Variants in RAB3GAP1 observed in about 807,000 individuals in gnomAD.
RAB3GAP1 encodes the protein rab3 GTPase-activating protein catalytic subunit.
A neutral mutation model predicts 130.7 loss-of-function variants in RAB3GAP1; 86 were observed. The observed-to-expected ratio is 0.66, with a 90% CI of 0.55 to 0.79. The LOEUF (loss-of-function observed/expected upper bound fraction) is 0.79, where lower values mean the gene tolerates loss of function less well. RAB3GAP1 is among the 30% of genes least tolerant of loss of function. The pLI, the probability that RAB3GAP1 is intolerant of heterozygous loss-of-function variation, is 0.00. For synonymous variants in RAB3GAP1, 367 were observed against 401.7 expected, an observed-to-expected ratio of 0.91 and a Z score of 1.03; for missense variants, 1,029 against 1,169.4, an observed-to-expected ratio of 0.88 and a Z score of 1.75.
At chr2:135,117,741 T>TCTTCTGCTTCTTCTTCTTCTG (rs1691062470) in intron 7 of RAB3GAP1, among the ~76,000 whole-genome samples, 1 of 63,790 alleles carries the variant, frequency 1.6e-5, no homozygotes, top group Admixed American at 1.7e-4. Context: ...TTCTTCTGCT[T>TCTTCTGCTTCTTCTTCTTCTG]CTTCTTCTGC....
rs778081484 is a variant in RAB3GAP1 at position 135,133,899 on chromosome 2, T to C, written c.1365T>C (p.Ser455=). ...YNQFKSAPSD[S]LTYKLALCLC... is the part of the protein sequence containing the mutation. ...AGTTCAAGTCTGCACCATCTGACAG[T>C]TTAACATACAAACTGGCTTTGTGTC... is the stretch of plus-strand genomic sequence containing the variant. The change falls in exon 15 of 24, where the codon AGT becomes AGC. Residue 455 remains serine, a synonymous_variant. Coordinates refer to ENST00000264158, the MANE Select transcript of RAB3GAP1 (RefSeq NM_012233.3). The C allele has an allele frequency of 6.2e-7, 1 of 1,613,934 alleles. No homozygotes were observed. Among genetic ancestry groups the C allele is most frequent in the South Asian group, 1.1e-5 (1 of 91,072 alleles).
At chr2:135,119,090 CCCT>C (rs1691115282) in intron 7 of RAB3GAP1, among the ~76,000 whole-genome samples, 2 of 142,506 alleles carry the variant, frequency 1.4e-5, no homozygotes, top group African/African-American at 5.4e-5. Flanking sequence ...CTCCCTCCCT[CCCT>C]CCCTTCCTTC....
chr2:135,129,026 A>T (rs1363052055), intron 11 of RAB3GAP1, among the ~76,000 whole-genome samples: 1 of 152,118 alleles, frequency 6.6e-6, no homozygotes, highest in African/African-American at 2.4e-5. Context: ...TGATGCACAC[A>T]TGTAGTCCCA....
chr2:135,064,563 C>G (rs994734781), intron 3 of RAB3GAP1, among the ~76,000 whole-genome samples: 1 of 151,972 alleles, frequency 6.6e-6, no homozygotes, highest in East Asian at 1.9e-4. Flanking sequence ...TCTGAGATTA[C>G]TTATCTCTAA....
intron 7 of RAB3GAP1, 111 bp downstream of exon 7, chr2:135,115,492 T>G: frequency 9.2e-7 from 1 of 1,090,262 alleles, no homozygotes; most frequent in East Asian, 2.5e-5. Flanking sequence ...ATAATGTAAT[T>G]GCTTAGAAGA....
intron 17 of RAB3GAP1, 137 bp from the exon 18 acceptor site, chr2:135,150,232 T>C (rs552830881): frequency 7.7e-5 from 79 of 1,023,016 alleles, no homozygotes; most frequent in Middle Eastern, 2.8e-4. Context: ...AAAAAACTTA[T>C]GCATTTCTCT....
At chr2:135,148,395 T>C (rs904627248) in intron 17 of RAB3GAP1, among the ~76,000 whole-genome samples, 2 of 152,022 alleles carry the variant, frequency 1.3e-5, no homozygotes, top group African/African-American at 2.4e-5. Flanking sequence ...ATAAAATACA[T>C]GGCTAGAAAA....
intron 7 of RAB3GAP1, among the ~76,000 whole-genome samples, chr2:135,116,456 C>A (rs1189687382): frequency 2.0e-5 from 3 of 152,060 alleles, no homozygotes; most frequent in Non-Finnish European, 4.4e-5. Context: ...AAAATAAAGG[C>A]TGGAAGCAAT....
At chr2:135,091,513 C>G (rs1690140449) in intron 4 of RAB3GAP1, among the ~76,000 whole-genome samples, 2 of 152,094 alleles carry the variant, frequency 1.3e-5, no homozygotes, top group Non-Finnish European at 2.9e-5. Context: ...GAGAATTAAG[C>G]AAGTAAGTTT....
intron 17 of RAB3GAP1, among the ~76,000 whole-genome samples, chr2:135,139,729 C>G (rs1249426428): frequency 6.6e-6 from 1 of 152,180 alleles, no homozygotes; most frequent in East Asian, 1.9e-4. Context: ...CTCTGTCTTT[C>G]CCATTCAATA....
intron 17 of RAB3GAP1, chr2:135,136,649 T>G (rs1304836588): frequency 8.7e-7 from 1 of 1,153,224 alleles, no homozygotes; most frequent in Non-Finnish European, 1.1e-6. Flanking sequence ...ATGTTTTTGT[T>G]TAACTTGTGG....
At chr2:135,086,332 G>A (rs967275144) in intron 3 of RAB3GAP1, among the ~76,000 whole-genome samples, 1 of 152,014 alleles carries the variant, frequency 6.6e-6, no homozygotes, top group East Asian at 1.9e-4. Context: ...TATGCTCTTA[G>A]CCGTGCATGA....
At chr2:135,106,768 T>A (rs868575028) in intron 5 of RAB3GAP1, among the ~76,000 whole-genome samples, 1,401 of 58,160 alleles carry the variant, frequency 0.024, no homozygotes, top group African/African-American at 0.031. Context: ...AAAAAAAAAA[T>A]AAAAAAATAA....
At chr2:135,117,564 TCTTCTG>T (rs1558784359) in intron 7 of RAB3GAP1, among the ~76,000 whole-genome samples, 3 of 148,962 alleles carry the variant, frequency 2.0e-5, no homozygotes, top group East Asian at 2.0e-4. Context: ...TTCTGCTTCT[TCTTCTG>T]CTTCTTCTTC....
intron 17 of RAB3GAP1, among the ~76,000 whole-genome samples, chr2:135,149,636 A>G (rs1692111265): frequency 6.6e-6 from 1 of 152,218 alleles, no homozygotes; most frequent in African/African-American, 2.4e-5. Flanking sequence ...TAGTTTTATA[A>G]CCAGAGATGA....
At chr2:135,162,949 A>G (rs756887458) in intron 21 of RAB3GAP1, 37 bp from the exon 22 acceptor site, 4 of 1,588,052 alleles carry the variant, frequency 2.5e-6, no homozygotes, top group Non-Finnish European at 2.6e-6. Context: ...CTTTTTTGCC[A>G]TCTCGCAATG....
At chr2:135,097,184 G>T (rs937741088) in intron 5 of RAB3GAP1, among the ~76,000 whole-genome samples, 1 of 146,708 alleles carries the variant, frequency 6.8e-6, no homozygotes, top group Non-Finnish European at 1.5e-5. Context: ...TGTCCCTTTT[G>T]TCTCTTAGTA....
chr2:135,106,620 G>C (rs1690629129), intron 5 of RAB3GAP1, among the ~76,000 whole-genome samples: 1 of 151,870 alleles, frequency 6.6e-6, no homozygotes, highest in Admixed American at 6.6e-5. Context: ...CACTGCGGAA[G>C]GCCGCAGGGT....
intron 6 of RAB3GAP1, among the ~76,000 whole-genome samples, chr2:135,114,771 T>G (rs1194439912): frequency 1.3e-5 from 2 of 152,262 alleles, no homozygotes; most frequent in Non-Finnish European, 2.9e-5. Flanking sequence ...ACGTATTCTC[T>G]CTAAGGCACA....
Sources: gnomAD v4.1 joint callset for allele counts (sites outside exome capture counted in the v4.1 genomes callset) on GRCh38, gnomAD v4.1.1 for gene constraint, MANE v1.5 for transcripts, NCBI Gene and HGNC (gene_info 2026-07-23, HGNC 2026-07-21) for gene names.